Variants in OR52N1 observed in about 807,000 individuals in gnomAD.
OR52N1 encodes the protein olfactory receptor 52N1.
A neutral mutation model predicts 13.9 loss-of-function variants in OR52N1; 11 were observed. The ratio of observed to expected loss-of-function variants is 0.79; its 90% CI spans 0.50 to 1.31. The LOEUF (loss-of-function observed/expected upper bound fraction) is 1.31, where lower values mean the gene tolerates loss of function less well. Ranked by LOEUF, OR52N1 falls within the 40% of genes most tolerant of loss-of-function variation. The pLI is 0.00. For synonymous variants in OR52N1, 142 were observed against 143.7 expected, an observed-to-expected ratio of 0.99 and a Z score of 0.08; for missense variants, 414 against 397.7, an observed-to-expected ratio of 1.04 and a Z score of -0.35.
Position 5,787,680 on chromosome 11 carries a change from C to CA in OR52N1, c.*173dup, listed in dbSNP as rs572423156. The CA allele has an allele frequency of 7.4e-5, 44 of 593,864 alleles. 6 individuals are homozygous for CA. The East Asian group carries it at 1.2e-3, about 16-fold the overall frequency. 36.8% of individuals were successfully genotyped at this position (593,864 alleles called of 1,614,324 possible). A position where few individuals can be genotyped will look rare whatever the true frequency, so the allele number is the denominator to read the frequency against. The stretch of plus-strand genomic sequence containing the variant: ...AAAGGCTTTAAAGAACATGGAATAA[C>CA]ATAAGAGAGGGTATTTACCTATTTG... On this transcript the variant is annotated 3_prime_UTR_variant, in exon 2 of 2. Coordinates refer to ENST00000641645, the MANE Select transcript of OR52N1 (RefSeq NM_001001913.2).
In OR52N1 at chr11:5,786,546, G is replaced by C. The variant is rs1023092505; in HGVS notation, c.*1308C>G. On this transcript the variant is annotated 3_prime_UTR_variant, in exon 2 of 2. Transcript: ENST00000641645. ...TGTTTGGTTTTTTGTCCTTGCGATA[G>C]TTTGCTGAGAATGATGGTTTCCAGC... The C allele has an allele frequency of 7.4e-6, 1 of 134,524 alleles. No homozygotes were observed. Among genetic ancestry groups the C allele is most frequent in the East Asian group, 2.2e-4 (1 of 4,620 alleles). 8.3% of individuals were successfully genotyped at this position (134,524 alleles called of 1,614,324 possible). A position where few individuals can be genotyped will look rare whatever the true frequency, so the allele number is the denominator to read the frequency against.
chr11:5,788,671 T>C lies in OR52N1; in HGVS notation c.146A>G (p.Tyr49Cys), dbSNP rs143758698. 51 of 1,613,768 alleles carry C rather than the reference T, an allele frequency of 3.2e-5. No individual in the cohort carries two copies. In the African/African-American group the frequency reaches 6.4e-4, roughly 20 times the overall value. ...TAAGGCCTCATCACAGTAGATGAGG[T>C]ACATAAGGCCGAAGTTCCCTGTAAT... The part of the protein sequence containing the change: ...IAITGNFGLM[Y>C]LIYCDEALHR... Residue 49 changes from tyrosine (Y) to cysteine (C), a missense_variant, in exon 2 of 2, where the codon TAC becomes TGC. Coordinates refer to ENST00000641645, the MANE Select transcript of OR52N1 (RefSeq NM_001001913.2).
At position 5,788,026 on chromosome 11, in the gene OR52N1, T is replaced by C. The variant is rs1291463688; in HGVS notation, c.791A>G (p.His264Arg). The C allele has an allele frequency of 1.8e-5, 22 of 1,253,242 alleles. 3 individuals are homozygous for C. Among genetic ancestry groups the C allele is most frequent in the Non-Finnish European group, 2.2e-5 (21 of 935,802 alleles). The allele number at this position is 1,253,242 out of a possible 1,614,324, so 77.6% of individuals were successfully genotyped here. Residue 264 changes from histidine to arginine, a missense_variant, in exon 2 of 2, where the codon CAC becomes CGC. By Grantham distance (29) the His-to-Arg change is conservative (BLOSUM62 0). Transcript: ENST00000641645. ...AGGAATGGTGTGTCCCCCAAAATGG[T>C]GTGTAAAGAAGGTAAAGAAGGCTGG... ...YVPAFFTFFT[H>R]HFGGHTIPLH...
chr11:5,787,450 C>T lies in OR52N1; in HGVS notation c.*404G>A. 6.9e-6 allele frequency: 1 copy of T among 145,628 alleles called. No homozygotes were observed. Among genetic ancestry groups the T allele is most frequent in the Non-Finnish European group, 1.5e-5 (1 of 67,124 alleles). The allele number at this position is 145,628 out of a possible 1,614,324, so 9.0% of individuals were successfully genotyped here. ...CAGAATAAACTCTAAGTGATTTTGG[C>T]AGGAAAATGATGAGCTAAGTAAGTT... is the stretch of plus-strand genomic sequence containing the variant. On this transcript the variant is annotated 3_prime_UTR_variant, in exon 2 of 2. Coordinates refer to ENST00000641645, the MANE Select transcript of OR52N1 (RefSeq NM_001001913.2).
At chr11:5,789,143 G>A (rs1172880418) in intron 1 of OR52N1, among the ~76,000 whole-genome samples, 1 of 152,010 alleles carries the variant, frequency 6.6e-6, no homozygotes, top group Non-Finnish European at 1.5e-5. Context: ...ACAACTCTGT[G>A]GTCAAGAATT....
chr11:5,790,524 A>G (rs1564966192), intron 1 of OR52N1, among the ~76,000 whole-genome samples: 1 of 152,122 alleles, frequency 6.6e-6, no homozygotes, highest in African/African-American at 2.4e-5. Context: ...ATCCAAAGTG[A>G]AAATGGAACA....
Position 5,788,100 on chromosome 11 carries a change from G to C in OR52N1, c.717C>G (p.Ala239=), listed in dbSNP as rs765409702. ...SLSSADARQK[A]FSTCTAHFCA... The stretch of plus-strand genomic sequence containing the variant: ...AGAAGTGGGCAGTGCAGGTGCTGAA[G>C]GCCTTCTGTCGAGCATCTGCTGATG... The change falls in exon 2 of 2, where the codon GCC becomes GCG. Residue 239 remains alanine, a synonymous_variant. Transcript: ENST00000641645. 1 of 1,614,026 alleles carries C rather than the reference G, an allele frequency of 6.2e-7. No homozygotes were observed. Among genetic ancestry groups the C allele is most frequent in the Non-Finnish European group, 8.5e-7 (1 of 1,179,958 alleles).
chr11:5,790,260 A>G (rs1322244698), intron 1 of OR52N1, among the ~76,000 whole-genome samples: 6 of 152,066 alleles, frequency 3.9e-5, no homozygotes, highest in Non-Finnish European at 8.8e-5. Context: ...TTAGGGCTGT[A>G]TAAATGAACT....
chr11:5,790,878 C>T (rs1286243779), intron 1 of OR52N1, among the ~76,000 whole-genome samples: 6 of 151,990 alleles, frequency 3.9e-5, no homozygotes, highest in African/African-American at 1.4e-4. Context: ...TTCTCCTATC[C>T]TGTAGGCTGT....
At position 5,788,800 on chromosome 11, in the gene OR52N1, C is replaced by A; in HGVS notation, c.17G>T (p.Gly6Val). ...GAATGAAGCTGGAGTTAGGCTGGTG[C>A]CATTTAGAAATGACATAATGACTGT... MSFLNGTSLTPASFIL... is the reference protein window; with the variant it reads MSFLNVTSLTPASFIL... Residue 6 changes from glycine to valine, a missense_variant, in exon 2 of 2, where the codon GGC (glycine) becomes GTC (valine). Coordinates refer to ENST00000641645, the MANE Select transcript of OR52N1 (RefSeq NM_001001913.2). The A allele has an allele frequency of 6.2e-7, 1 of 1,603,028 alleles. No individual in the cohort carries two copies. The highest frequency in any genetic ancestry group is 8.5e-7 in the Non-Finnish European group (1 of 1,178,590).
rs1248483642 is a variant in OR52N1, at chr11:5,788,674, A to G, written c.143T>C (p.Met48Thr). ...GGCCTCATCACAGTAGATGAGGTAC[A>G]TAAGGCCGAAGTTCCCTGTAATAGC... Reference protein sequence around the residue: ...SIAITGNFGLMYLIYCDEALH... With the variant: ...SIAITGNFGLTYLIYCDEALH... The change falls in exon 2 of 2, where the codon ATG becomes ACG. Residue 48 changes from methionine to threonine, a missense_variant. Transcript: ENST00000641645. 8 of 1,614,060 alleles carry G rather than the reference A, an allele frequency of 5.0e-6. No homozygotes were observed. Among genetic ancestry groups the G allele is most frequent in the African/African-American group, 1.3e-5 (1 of 75,056 alleles).
chr11:5,788,855 T>A lies in OR52N1; in HGVS notation c.-39A>T. 6.6e-7 allele frequency: 1 copy of A among 1,509,166 alleles called. No individual in the cohort carries two copies. Among genetic ancestry groups the A allele is most frequent in the Admixed American group, 2.1e-5 (1 of 48,540 alleles). 93.5% of individuals were successfully genotyped at this position (1,509,166 alleles called of 1,614,324 possible). ...AGTTCATTGTATAGCAGTTATAGCA[T>A]TGCCTCTGTGAGCAGGAAATAAAAA... On this transcript the variant is annotated 5_prime_UTR_variant, in exon 2 of 2. An upstream start codon of the reference 5' UTR is lost. Transcript: ENST00000641645.
In OR52N1 at chr11:5,786,535, T is replaced by C. The variant is rs1854594594; in HGVS notation, c.*1319A>G. 7.5e-6 allele frequency: 1 copy of C among 133,046 alleles called. No individual in the cohort carries two copies. The highest frequency in any genetic ancestry group is 7.9e-5 in the Admixed American group (1 of 12,682). The allele number at this position is 133,046 out of a possible 1,614,324, so 8.2% of individuals were successfully genotyped here. On this transcript the variant is annotated 3_prime_UTR_variant, in exon 2 of 2. Coordinates refer to ENST00000641645, the MANE Select transcript of OR52N1 (RefSeq NM_001001913.2). ...AGAACATGCAGTGTTTGGTTTTTTG[T>C]CCTTGCGATAGTTTGCTGAGAATGA... is the stretch of plus-strand genomic sequence containing the variant.
Position 5,788,150 on chromosome 11 carries a change from T to C in OR52N1, c.667A>G (p.Ile223Val). The part of the protein sequence containing the change: ...ILCITISYTM[I>V]LQAVVSLSSA... ...GATAGACTCACAACTGCTTGAAGAA[T>C]CATAGTGTAGGAGATTGTAATGCAC... The change falls in exon 2 of 2, where the codon ATT (isoleucine) becomes GTT (valine). Residue 223 changes from isoleucine (I) to valine (V), a missense_variant. Ile to Val is a conservative substitution (Grantham distance 29). Coordinates refer to ENST00000641645, the MANE Select transcript of OR52N1 (RefSeq NM_001001913.2). 6.2e-7 allele frequency: 1 copy of C among 1,613,980 alleles called. No homozygotes were observed. Among genetic ancestry groups the C allele is most frequent in the Non-Finnish European group, 8.5e-7 (1 of 1,179,968 alleles).
rs1590354631 is a variant in OR52N1 at position 5,786,572 on chromosome 11, T to C, written c.*1282A>G. The C allele has an allele frequency of 7.3e-6, 1 of 136,878 alleles. No individual in the cohort carries two copies. Among genetic ancestry groups the C allele is most frequent in the South Asian group, 2.4e-4 (1 of 4,088 alleles). The allele number at this position is 136,878 out of a possible 1,614,324, so 8.5% of individuals were successfully genotyped here. On this transcript the variant is annotated 3_prime_UTR_variant, in exon 2 of 2. Coordinates refer to ENST00000641645, the MANE Select transcript of OR52N1 (RefSeq NM_001001913.2). ...TTTGCTGAGAATGATGGTTTCCAGC[T>C]TCATCCATGTCCCTACAAAGGACAT...
chr11:5,789,580 G>C (rs993621435), intron 1 of OR52N1, among the ~76,000 whole-genome samples: 15 of 152,022 alleles, frequency 9.9e-5, no homozygotes, highest in Non-Finnish European at 1.2e-4. Context: ...TGACTCTAGA[G>C]TCAATTCAGT....
At chr11:5,790,976 C>T (rs4758404) in intron 1 of OR52N1, 135 bp downstream of exon 1, 142,596 of 152,082 alleles carry the variant, frequency 0.94, 66,966 homozygotes, top group Middle Eastern at 0.98. Flanking sequence ...GATACTAGGC[C>T]TAATACCTGG....
chr11:5,788,089 C>T lies in OR52N1; in HGVS notation c.728G>A (p.Cys243Tyr). Reference sequence around the variant, plus strand: ...GACTATGGCACAGAAGTGGGCAGTGCAGGTGCTGAAGGCCTTCTGTCGAGC... The same window carrying T: ...GACTATGGCACAGAAGTGGGCAGTGTAGGTGCTGAAGGCCTTCTGTCGAGC... Reference protein sequence around the residue: ...ADARQKAFSTCTAHFCAIVLT... With the variant: ...ADARQKAFSTYTAHFCAIVLT... The change falls in exon 2 of 2, where the codon TGC becomes TAC. Residue 243 changes from cysteine (C) to tyrosine (Y), a missense_variant. By Grantham distance (194) the Cys-to-Tyr change is radical. Coordinates refer to ENST00000641645, the MANE Select transcript of OR52N1 (RefSeq NM_001001913.2). 6.2e-7 allele frequency: 1 copy of T among 1,613,950 alleles called. No homozygotes were observed. Among genetic ancestry groups the T allele is most frequent in the Non-Finnish European group, 8.5e-7 (1 of 1,179,946 alleles).
rs778398396 is a variant in OR52N1, at chr11:5,788,638, G to A, written c.179C>T (p.Pro60Leu). ...AAGAAGGGCAAGGAAGACATACATA[G>A]GTCTGTGTAAGGCCTCATCACAGTA... ...LIYCDEALHR[P>L]MYVFLALLSF... The change falls in exon 2 of 2, where the codon CCT (proline) becomes CTT (leucine). Residue 60 changes from proline (P) to leucine (L), a missense_variant. By Grantham distance (98) the Pro-to-Leu change is moderately conservative. Transcript: ENST00000641645. 1 of 1,614,048 alleles carries A rather than the reference G, an allele frequency of 6.2e-7. No individual in the cohort carries two copies. Among genetic ancestry groups the A allele is most frequent in the South Asian group, 1.1e-5 (1 of 91,082 alleles).
Sources: allele counts gnomAD v4.1 joint callset (sites outside exome capture counted in the v4.1 genomes callset), GRCh38; gene constraint gnomAD v4.1.1; transcripts MANE v1.5; gene names NCBI Gene and HGNC (gene_info 2026-07-23, HGNC 2026-07-21).